The following PCNX2 variants were observed in gnomAD, a reference collection of about 807,000 sequenced individuals.
The protein encoded by PCNX2 is pecanex 2, also known as pecanex-like protein 2.
PCNX2 carries 168 observed loss-of-function variants against 223.8 expected under a neutral mutation model. That is an observed-to-expected ratio of 0.75 (90% confidence interval 0.66 to 0.85). PCNX2 has a LOEUF of 0.85. Ranked by LOEUF, PCNX2 falls within the 40% of genes least tolerant of loss-of-function variation. PCNX2 has a pLI of 0.00. For synonymous variants in PCNX2, 1,006 were observed against 1,052.6 expected (o/e 0.96, Z 0.86); for missense variants, 2,507 against 2,675.5 (o/e 0.94, Z 1.39).
intron 1 of PCNX2, among the ~76,000 whole-genome samples, chr1:233,267,119 G>C (rs1660379081): frequency 6.6e-6 from 1 of 152,040 alleles, no homozygotes; most frequent in Non-Finnish European, 1.5e-5. Context: ...AGGAGTTCAA[G>C]ACCAGCCTGG....
chr1:233,300,238 T>A (rs1291485111), upstream of PCNX2, among the ~76,000 whole-genome samples: 1 of 152,250 alleles, frequency 6.6e-6, no homozygotes, highest in Non-Finnish European at 1.5e-5. Flanking sequence ...TTATTAAGAT[T>A]GCTCAATAAC....
intron 26 of PCNX2, among the ~76,000 whole-genome samples, chr1:233,022,284 A>C (rs1438058494): frequency 6.6e-6 from 1 of 152,210 alleles, no homozygotes; most frequent in Non-Finnish European, 1.5e-5. Flanking sequence ...CAGTACAAAA[A>C]AACAAATTGG....
chr1:233,029,872 T>C (rs554440113), intron 25 of PCNX2, among the ~76,000 whole-genome samples: 1 of 152,320 alleles, frequency 6.6e-6, no homozygotes, highest in East Asian at 1.9e-4. Flanking sequence ...ATAATTTTTC[T>C]TTACCTTTAA....
intron 23 of PCNX2, among the ~76,000 whole-genome samples, chr1:233,062,853 A>T (rs1002759935): frequency 2.0e-5 from 3 of 152,132 alleles, no homozygotes; most frequent in African/African-American, 7.2e-5. Context: ...AATACTATGA[A>T]CAACTTTGTG....
At chr1:233,233,525 T>G (rs1210692454) in intron 9 of PCNX2, among the ~76,000 whole-genome samples, 1 of 151,116 alleles carries the variant, frequency 6.6e-6, no homozygotes, top group Non-Finnish European at 1.5e-5. Flanking sequence ...AGCTCCCCTT[T>G]CAGGGACACT....
intron 28 of PCNX2, among the ~76,000 whole-genome samples, chr1:233,011,731 G>A (rs1345925167): frequency 6.6e-6 from 1 of 152,200 alleles, no homozygotes; most frequent in Non-Finnish European, 1.5e-5. Context: ...CACCTGCCTG[G>A]AAAGTGGCAC....
rs57088698 is a variant in PCNX2, at chr1:233,287,874, G to C, written c.153+7452C>G. 2.8e-4 allele frequency among the ~76,000 whole-genome samples: 42 copies of C among 152,184 alleles called. No individual in the cohort carries two copies. The East Asian group carries it at 7.9e-3, about 29-fold the overall frequency. ...GGAATAATGATGGTGCCTCACTGGG[G>C]CACTATGAAGGTGAGATGATTTCTT... On this transcript the variant is annotated intron_variant, in intron 1 of 33. Coordinates refer to ENST00000258229, the MANE Select transcript of PCNX2 (RefSeq NM_014801.4).
At chr1:233,107,031 G>T (rs149451590) in intron 21 of PCNX2, among the ~76,000 whole-genome samples, 3 of 151,398 alleles carry the variant, frequency 2.0e-5, no homozygotes, top group African/African-American at 7.3e-5. Context: ...ATAATAATAC[G>T]AGTTAACTTA....
At chr1:233,293,923 G>A in intron 1 of PCNX2, 3 of 974,064 alleles carry the variant, frequency 3.1e-6, no homozygotes, top group Non-Finnish European at 1.2e-6. Context: ...AGAAACCACT[G>A]GGGCCCATAG....
chr1:233,276,988 T>C (rs1660948665), intron 1 of PCNX2, among the ~76,000 whole-genome samples: 1 of 152,232 alleles, frequency 6.6e-6, no homozygotes, highest in South Asian at 2.1e-4. Flanking sequence ...TGTCAGGGAA[T>C]AATCCTTCAA....
rs1006309323 is a variant in PCNX2, at chr1:233,165,333, C to T, written c.3274-3970G>A. Among the ~76,000 whole-genome samples the T allele has an allele frequency of 3.9e-5, 6 of 152,232 alleles. No individual in the cohort carries two copies. The South Asian group carries it at 1.2e-3, about 32-fold the overall frequency. ...CCTCCTAGGGCACATTTTGCAGTAT[C>T]TGGAGACATTTTGGTTTTTACAATT... is the stretch of plus-strand genomic sequence containing the variant. On this transcript the variant is annotated intron_variant, in intron 17 of 33. Coordinates refer to ENST00000258229, the MANE Select transcript of PCNX2 (RefSeq NM_014801.4).
chr1:233,301,366 C>G, the PCNX2 span, among the ~76,000 whole-genome samples: 1 of 152,126 alleles, frequency 6.6e-6, no homozygotes, highest in Admixed American at 6.6e-5. Context: ...ATTAACAGAG[C>G]TTGTGACTAT....
intron 9 of PCNX2, among the ~76,000 whole-genome samples, chr1:233,231,455 T>C (rs1658058659): frequency 1.3e-5 from 2 of 152,068 alleles, no homozygotes; most frequent in African/African-American, 4.8e-5. Context: ...CGAAAACAGA[T>C]AATAGGCCCT....
At chr1:233,285,840 G>A (rs998958519) in intron 1 of PCNX2, among the ~76,000 whole-genome samples, 2 of 152,206 alleles carry the variant, frequency 1.3e-5, no homozygotes, top group Non-Finnish European at 2.9e-5. Flanking sequence ...ATAGTGACTA[G>A]TCAAATAAGT....
the PCNX2 span, among the ~76,000 whole-genome samples, chr1:233,302,635 CTCCT>C: frequency 8.4e-6 from 1 of 118,652 alleles, no homozygotes; most frequent in Admixed American, 8.9e-5. Flanking sequence ...TTTTTTGCTT[CTCCT>C]TCCATCATAT....
intron 9 of PCNX2, among the ~76,000 whole-genome samples, chr1:233,231,172 A>G (rs979909122): frequency 1.3e-5 from 2 of 152,126 alleles, no homozygotes; most frequent in African/African-American, 4.8e-5. Context: ...TCTTTCTACA[A>G]TCATGCTTAA....
intron 1 of PCNX2, chr1:233,294,001 T>G (rs902955958): frequency 1.0e-6 from 1 of 985,186 alleles, no homozygotes; most frequent in Non-Finnish European, 1.2e-6. Context: ...TTGCATTTAT[T>G]GCAGGGTTTC....
chr1:233,025,552 A>C (rs1448140632), intron 25 of PCNX2, 153 bp from the exon 26 acceptor site: 4 of 879,224 alleles, frequency 4.5e-6, no homozygotes, highest in Non-Finnish European at 6.8e-6. Flanking sequence ...TCCCCCAAAG[A>C]AGTCACAATT....
At chr1:233,268,489 A>C (rs886423482) in intron 1 of PCNX2, among the ~76,000 whole-genome samples, 4 of 152,092 alleles carry the variant, frequency 2.6e-5, no homozygotes, top group African/African-American at 9.7e-5. Flanking sequence ...GTACTTTATC[A>C]CTCGGCTTTC....
Sources: allele counts gnomAD v4.1 joint callset (sites outside exome capture counted in the v4.1 genomes callset), GRCh38; gene constraint gnomAD v4.1.1; transcripts MANE v1.5; gene names NCBI Gene and HGNC (gene_info 2026-07-23, HGNC 2026-07-21).